Variants in CDH23 observed in about 807,000 individuals in gnomAD.
The protein encoded by CDH23 is cadherin related 23.
In CDH23, 189 loss-of-function variants were observed where a neutral mutation model predicts 317.1. The ratio of observed to expected loss-of-function variants is 0.60; its 90% CI spans 0.53 to 0.67. The LOEUF is 0.67. CDH23 is among the 30% of genes least tolerant of loss of function. The pLI, the probability that CDH23 is intolerant of heterozygous loss-of-function variation, is 0.00. For missense variants in CDH23, 4,401 were observed against 4,592.4 expected (o/e 0.96, Z 1.20); for synonymous variants, 1,839 against 1,876.8 (o/e 0.98, Z 0.52).
At chr10:71,639,925 A>G (rs1589287242) in intron 11 of CDH23, among the ~76,000 whole-genome samples, 1 of 152,228 alleles carries the variant, frequency 6.6e-6, no homozygotes, top group African/African-American at 2.4e-5. Flanking sequence ...AAGTCCTGGA[A>G]GGAACAGGCT....
chr10:71,557,220 T>C (rs1298482671), intron 6 of CDH23, among the ~76,000 whole-genome samples: 1 of 152,256 alleles, frequency 6.6e-6, no homozygotes, highest in Non-Finnish European at 1.5e-5. Flanking sequence ...TTTCCTCTTT[T>C]ATTTTCTCTA....
chr10:71,540,978 C>A (rs1564641664), intron 6 of CDH23, among the ~76,000 whole-genome samples: 1 of 151,966 alleles, frequency 6.6e-6, no homozygotes, highest in Non-Finnish European at 1.5e-5. Context: ...GCAGGCCCTA[C>A]CCAACTCCAT....
At chr10:71,700,616 C>T (rs1865544928) in intron 22 of CDH23, among the ~76,000 whole-genome samples, 1 of 152,176 alleles carries the variant, frequency 6.6e-6, no homozygotes, top group African/African-American at 2.4e-5. Context: ...ACACCTCAGA[C>T]CTGGAAGGCA....
At chr10:71,519,919 G>A (rs1051045396) in intron 6 of CDH23, among the ~76,000 whole-genome samples, 1 of 151,928 alleles carries the variant, frequency 6.6e-6, no homozygotes, top group South Asian at 2.1e-4. Flanking sequence ...CTCCCAAGTA[G>A]CTGGGACTAC....
intron 3 of CDH23, among the ~76,000 whole-genome samples, chr10:71,472,048 C>T (rs1851541782): frequency 6.6e-6 from 1 of 152,204 alleles, no homozygotes; most frequent in Non-Finnish European, 1.5e-5. Context: ...GATTCAGTTT[C>T]AGGGCTGGAC....
At chr10:71,585,132 G>T (rs1441801134) in intron 9 of CDH23, among the ~76,000 whole-genome samples, 1 of 152,140 alleles carries the variant, frequency 6.6e-6, no homozygotes, top group Non-Finnish European at 1.5e-5. Context: ...AGGTCTGGGG[G>T]TCATTGTGGT....
At chr10:71,746,457 G>A (rs1397110041) in intron 38 of CDH23, among the ~76,000 whole-genome samples, 2 of 152,242 alleles carry the variant, frequency 1.3e-5, no homozygotes, top group Non-Finnish European at 2.9e-5. Flanking sequence ...GCTGCAAGGG[G>A]TATCTGGGCC....
At chr10:71,722,700 T>C (rs1156649159) in intron 28 of CDH23, among the ~76,000 whole-genome samples, 1 of 152,044 alleles carries the variant, frequency 6.6e-6, no homozygotes, top group East Asian at 1.9e-4. Flanking sequence ...GGGAGGGTCT[T>C]AGGAGAAGAT....
chr10:71,442,709 C>T (rs892717271), intron 2 of CDH23, among the ~76,000 whole-genome samples: 2 of 152,148 alleles, frequency 1.3e-5, no homozygotes, highest in Admixed American at 1.3e-4. Flanking sequence ...GACTGACTAG[C>T]CAGCAAGCAT....
intron 6 of CDH23, among the ~76,000 whole-genome samples, chr10:71,536,865 T>C (rs1331550301): frequency 6.6e-6 from 1 of 152,014 alleles, no homozygotes; most frequent in Non-Finnish European, 1.5e-5. Context: ...GACCATGGAA[T>C]ACAAAGATGC....
chr10:71,501,364 G>T (rs1589140838), intron 3 of CDH23, among the ~76,000 whole-genome samples: 1 of 152,194 alleles, frequency 6.6e-6, no homozygotes, highest in Non-Finnish European at 1.5e-5. Context: ...GGACGGAGTT[G>T]CAGGAGAGCA....
At chr10:71,591,469 C>T (rs1343858089) in intron 9 of CDH23, among the ~76,000 whole-genome samples, 1 of 152,104 alleles carries the variant, frequency 6.6e-6, no homozygotes, top group East Asian at 1.9e-4. Context: ...CCTTCAGAGG[C>T]CAAGCTGATG....
chr10:71,736,187 C>T (rs575607327), intron 34 of CDH23, among the ~76,000 whole-genome samples: 2 of 152,356 alleles, frequency 1.3e-5, no homozygotes, highest in South Asian at 4.1e-4. Flanking sequence ...CAGTGCTTTG[C>T]CCTCTTCCGG....
intron 38 of CDH23, chr10:71,760,874 T>A (rs1840363122): frequency 6.2e-7 from 1 of 1,613,350 alleles, no homozygotes; most frequent in Admixed American, 1.7e-5. Context: ...TTACTTTCAC[T>A]ATCCTGGGAG....
At position 71,811,343 on chromosome 10, in the gene CDH23, G is replaced by T; in HGVS notation, c.9106G>T (p.Glu3036Ter). The part of the protein sequence containing the change: ...RVIQMIDENK[E>*]QLRNLFRNYN... ...GATCCAGATGATCGATGAGAACAAG[G>T]AGCAGCTACGGAATCTTTTCCGGAA... The change falls in exon 63 of 70, where the codon GAG becomes TAG. Residue 3036 changes from glutamate (E) to a stop codon, truncating the protein, a stop_gained. Coordinates refer to ENST00000224721, the MANE Select transcript of CDH23 (RefSeq NM_022124.6). LOFTEE classifies it high-confidence loss of function. 6.2e-7 allele frequency: 1 copy of T among 1,613,862 alleles called. No individual in the cohort carries two copies. The highest frequency in any genetic ancestry group is 8.5e-7 in the Non-Finnish European group (1 of 1,179,860).
At chr10:71,589,268 C>T (rs935175248) in intron 9 of CDH23, among the ~76,000 whole-genome samples, 15 of 152,238 alleles carry the variant, frequency 9.9e-5, no homozygotes, top group South Asian at 2.1e-4. Flanking sequence ...TACAGGCACC[C>T]GCCACCACAC....
At chr10:71,733,937 A>G (rs1201305670) in intron 32 of CDH23, among the ~76,000 whole-genome samples, 2 of 152,242 alleles carry the variant, frequency 1.3e-5, no homozygotes, top group African/African-American at 2.4e-5. Flanking sequence ...TAGAAGTGGA[A>G]ATGGAACTAA....
chr10:71,801,421 T>G (rs1413766680), intron 53 of CDH23, among the ~76,000 whole-genome samples: 2 of 152,052 alleles, frequency 1.3e-5, no homozygotes, highest in African/African-American at 2.4e-5. Context: ...CCCAAAGTGC[T>G]GGGATTATAG....
chr10:71,665,505 G>T (rs1450674614), intron 14 of CDH23, among the ~76,000 whole-genome samples: 1 of 152,228 alleles, frequency 6.6e-6, no homozygotes, highest in East Asian at 1.9e-4. Context: ...CAGAGATCTG[G>T]GGAAGAGTGA....
Sources: gnomAD v4.1 joint callset for allele counts (sites outside exome capture counted in the v4.1 genomes callset) on GRCh38, gnomAD v4.1.1 for gene constraint, MANE v1.5 for transcripts, NCBI Gene and HGNC (gene_info 2026-07-23, HGNC 2026-07-21) for gene names.